The following CLIC5 variants were observed in gnomAD, a reference collection of about 807,000 sequenced individuals.
CLIC5 encodes the protein CLIC family member 5, also known as chloride intracellular channel protein 5.
Under a neutral mutation model 24.7 loss-of-function variants are expected in CLIC5, and 20 were observed. That is an observed-to-expected ratio of 0.81 (90% CI 0.57 to 1.18). The LOEUF is 1.18. Ranked by LOEUF, CLIC5 falls within the 50% of genes most tolerant of loss-of-function variation. The pLI, the probability that CLIC5 is intolerant of heterozygous loss-of-function variation, is 0.00. For missense variants in CLIC5, 341 were observed against 326.1 expected, an observed-to-expected ratio of 1.05 and a Z score of -0.35; for synonymous variants, 159 against 135.6, an observed-to-expected ratio of 1.17 and a Z score of -1.20.
At chr6:45,987,215 A>G (rs1765773755) in intron 1 of CLIC5, among the ~76,000 whole-genome samples, 1 of 152,200 alleles carries the variant, frequency 6.6e-6, no homozygotes, top group African/African-American at 2.4e-5. Context: ...CTCACTCTAC[A>G]AAACCTTTCC....
At chr6:45,974,269 T>G (rs2127406894) in intron 1 of CLIC5, among the ~76,000 whole-genome samples, 2 of 151,966 alleles carry the variant, frequency 1.3e-5, no homozygotes, top group Middle Eastern at 6.8e-3. Flanking sequence ...CTCTGACACC[T>G]TCTCTGCCTA....
the CLIC5 span, among the ~76,000 whole-genome samples, chr6:46,103,581 A>G: frequency 6.6e-6 from 1 of 152,162 alleles, no homozygotes. Context: ...GCATTTTGCC[A>G]CCAGAATCTG....
In CLIC5 at chr6:45,971,348, C is replaced by T. The variant is rs138076151; in HGVS notation, c.64-16104G>A. Among the ~76,000 whole-genome samples the T allele has an allele frequency of 1.4e-3, 216 of 152,214 alleles. 1 individual carries two copies. Among genetic ancestry groups the T allele is most frequent in the African/African-American group, 4.7e-3 (197 of 41,538 alleles). The stretch of plus-strand genomic sequence containing the variant: ...TATATCTTATTTAGTTTGAAGGTGC[C>T]GAACAGGGTTGTTGTACATGTTTTT... On this transcript the variant is annotated intron_variant, in intron 1 of 5. Coordinates refer to ENST00000339561, the MANE Select transcript of CLIC5 (RefSeq NM_016929.5).
rs189181350 is a variant in CLIC5 at position 46,057,735 on chromosome 6, C to A, written c.540+21968G>T. Among the ~76,000 whole-genome samples, 8 of 152,284 alleles carry A rather than the reference C, an allele frequency of 5.3e-5. No individual in the cohort carries two copies. The East Asian group carries it at 9.6e-4, about 18-fold the overall frequency. ...GGCTGGATACCAGAACCATCCCCAC[C>A]CCTACAAACTAGCCAGGTGCCCTCA... is the stretch of plus-strand genomic sequence containing the variant. On this transcript the variant is annotated intron_variant, in intron 1 of 5. Transcript: ENST00000185206.
At chr6:45,963,445 C>T (rs1162106864) in intron 1 of CLIC5, among the ~76,000 whole-genome samples, 1 of 152,164 alleles carries the variant, frequency 6.6e-6, no homozygotes, top group Non-Finnish European at 1.5e-5. Flanking sequence ...GCAGTAGGCA[C>T]TGCACATTAT....
intron 1 of CLIC5, among the ~76,000 whole-genome samples, chr6:46,024,848 G>A (rs1476330915): frequency 6.6e-6 from 1 of 152,140 alleles, no homozygotes; most frequent in Non-Finnish European, 1.5e-5. Flanking sequence ...CGCCAATCTT[G>A]AGGTGAATAA....
chr6:45,918,034 G>A (rs148152190), intron 4 of CLIC5, among the ~76,000 whole-genome samples: 123 of 152,320 alleles, frequency 8.1e-4, no homozygotes, highest in Admixed American at 3.8e-3. Context: ...TAGATACCCA[G>A]TGTTTTAACT....
At chr6:45,958,800 T>G (rs925946479) in intron 1 of CLIC5, among the ~76,000 whole-genome samples, 5 of 152,048 alleles carry the variant, frequency 3.3e-5, no homozygotes, top group Admixed American at 2.6e-4. Flanking sequence ...TACTTTGTCT[T>G]CAGCAGCAAC....
chr6:45,944,234 A>T (rs1274601182), intron 3 of CLIC5, among the ~76,000 whole-genome samples: 1 of 152,132 alleles, frequency 6.6e-6, no homozygotes, highest in Admixed American at 6.6e-5. Flanking sequence ...CAAAAGGAGG[A>T]TACTGTTTTG....
chr6:45,953,636 G>A (rs563434492), intron 2 of CLIC5, among the ~76,000 whole-genome samples: 4 of 151,648 alleles, frequency 2.6e-5, no homozygotes, highest in African/African-American at 4.9e-5. Flanking sequence ...TCGGGGCTTC[G>A]GATGCATCAA....
chr6:46,059,789 TC>T (rs1762192646), intron 1 of CLIC5, among the ~76,000 whole-genome samples: 3 of 152,122 alleles, frequency 2.0e-5, no homozygotes, highest in African/African-American at 4.8e-5. Flanking sequence ...CCAGTCTGCC[TC>T]CCAGAGGGAG....
chr6:46,020,596 C>T (rs573854217), upstream of CLIC5, among the ~76,000 whole-genome samples: 13 of 150,654 alleles, frequency 8.6e-5, no homozygotes, highest in South Asian at 2.1e-4. Context: ...TTAATGAAAT[C>T]GAAGAAAAAA....
At chr6:46,030,566 C>A (rs916717587) in intron 1 of CLIC5, among the ~76,000 whole-genome samples, 2 of 152,030 alleles carry the variant, frequency 1.3e-5, no homozygotes, top group Non-Finnish European at 2.9e-5. Context: ...ATGGACTGCA[C>A]TCCCCAGAAT....
chr6:45,958,449 T>TACACACACACACACACACAC (rs1561964569), intron 1 of CLIC5, among the ~76,000 whole-genome samples: 3 of 24,240 alleles, frequency 1.2e-4, no homozygotes, highest in Admixed American at 4.4e-4. Context: ...TATATATATA[T>TACACACACACACACACACAC]ATATATATAT....
At chr6:46,014,969 T>G (rs893612659) in intron 1 of CLIC5, among the ~76,000 whole-genome samples, 4 of 152,188 alleles carry the variant, frequency 2.6e-5, no homozygotes, top group Non-Finnish European at 4.4e-5. Context: ...AAGAAAACAC[T>G]TTTGTCTCCT....
intron 1 of CLIC5, among the ~76,000 whole-genome samples, chr6:46,046,026 C>A (rs1474991326): frequency 2.0e-5 from 3 of 152,120 alleles, no homozygotes; most frequent in Non-Finnish European, 4.4e-5. Context: ...GATTGGGGAG[C>A]TGGGGCTGAG....
At chr6:46,069,341 G>T (rs1762526088) in intron 1 of CLIC5, among the ~76,000 whole-genome samples, 1 of 152,038 alleles carries the variant, frequency 6.6e-6, no homozygotes, top group South Asian at 2.1e-4. Context: ...AAAGAGAGAA[G>T]ATCCAAATAA....
chr6:45,934,337 A>C (rs1763854276), intron 4 of CLIC5: 1 of 152,136 alleles, frequency 6.6e-6, no homozygotes, highest in South Asian at 2.1e-4. Flanking sequence ...CCTTTCTGGA[A>C]CAAGTGGAGT....
intron 1 of CLIC5, among the ~76,000 whole-genome samples, chr6:45,980,270 G>T (rs1352431028): frequency 1.3e-5 from 2 of 151,952 alleles, no homozygotes; most frequent in African/African-American, 4.8e-5. Flanking sequence ...CTGTTTTTAT[G>T]CCAGTACCAT....
Sources: allele counts gnomAD v4.1 joint callset (sites outside exome capture counted in the v4.1 genomes callset), GRCh38; gene constraint gnomAD v4.1.1; transcripts MANE v1.5; gene names NCBI Gene and HGNC (gene_info 2026-07-23, HGNC 2026-07-21).